Variants in PCDHA1 observed in about 807,000 individuals in gnomAD.
PCDHA1 encodes the protein protocadherin alpha-1.
In PCDHA1, 42 loss-of-function variants were observed where a neutral mutation model predicts 61.3. The observed-to-expected ratio is 0.69, with a 90% confidence interval of 0.54 to 0.89. The LOEUF is 0.89. Among genes scored for constraint, PCDHA1 ranks in the 40% least tolerant of loss-of-function variants. The pLI is 0.00. For missense variants in PCDHA1, 1,256 were observed against 1,235.3 expected (o/e 1.02, Z -0.25); for synonymous variants, 610 against 553.8 (o/e 1.10, Z -1.43).
At chr5:141,006,634 A>G (rs1324728437) in intron 3 of PCDHA1, among the ~76,000 whole-genome samples, 4 of 152,220 alleles carry the variant, frequency 2.6e-5, no homozygotes, top group Non-Finnish European at 5.9e-5. Flanking sequence ...GCTGCAATTC[A>G]TATAAGAGAT....
intron 1 of PCDHA1, among the ~76,000 whole-genome samples, chr5:140,897,980 A>C (rs1313292712): frequency 6.6e-6 from 1 of 152,206 alleles, no homozygotes. Context: ...GGCTGCATAA[A>C]TGTCTTCTTT....
chr5:140,823,188 C>T (rs1562269864), intron 1 of PCDHA1: 1 of 1,613,902 alleles, frequency 6.2e-7, no homozygotes, highest in Admixed American at 1.7e-5. Flanking sequence ...CGCCAGGCTG[C>T]CACATCTTCA....
intron 1 of PCDHA1, chr5:140,883,838 GA>G: frequency 6.2e-7 from 1 of 1,612,738 alleles, no homozygotes; most frequent in Non-Finnish European, 8.5e-7. Context: ...GCAGCCGTTG[GA>G]CCACGAGGAG....
chr5:140,870,780 C>T (rs782242319), intron 1 of PCDHA1: 3 of 1,613,508 alleles, frequency 1.9e-6, no homozygotes, highest in Non-Finnish European at 2.5e-6. Context: ...ACGAGAACGA[C>T]AACGCGCCGG....
chr5:141,010,378 A>C lies in PCDHA1; in HGVS notation c.*441A>C. ...GCTACCGCGGGTATGCGAGTGCCAG[A>C]TATTGGCTGAGACGAGCCAGCTTAG... is the stretch of plus-strand genomic sequence containing the variant. On this transcript the variant is annotated 3_prime_UTR_variant, in exon 4 of 4. Coordinates refer to ENST00000504120, the MANE Select transcript of PCDHA1 (RefSeq NM_018900.4). 6.9e-7 allele frequency: 1 copy of C among 1,450,180 alleles called. No individual in the cohort carries two copies. Among genetic ancestry groups the C allele is most frequent in the Non-Finnish European group, 9.2e-7 (1 of 1,092,666 alleles). 89.8% of individuals were successfully genotyped at this position (1,450,180 alleles called of 1,614,324 possible).
intron 1 of PCDHA1, chr5:140,841,882 T>C (rs2150324666): frequency 1.2e-6 from 2 of 1,613,800 alleles, no homozygotes; most frequent in East Asian, 4.5e-5. Context: ...CAAAGAACGA[T>C]GAGAATAAAC....
intron 1 of PCDHA1, chr5:140,862,425 A>T: frequency 2.8e-6 from 1 of 353,460 alleles, no homozygotes; most frequent in Non-Finnish European, 5.6e-6. Context: ...GCTGCCCAGA[A>T]ACTATTCGTT....
chr5:140,803,267 A>C lies in PCDHA1; in HGVS notation c.2394+14583A>C. The C allele has an allele frequency of 1.9e-6, 3 of 1,613,980 alleles. No individual in the cohort carries two copies. The South Asian group carries it at 3.3e-5, about 18-fold the overall frequency. The stretch of plus-strand genomic sequence containing the variant: ...CGTCCGCTGGCGCCACGGGCCCGGA[A>C]GCTGCACTGGTGGATGTCAACGTGT... On this transcript the variant is annotated intron_variant, in intron 1 of 3. Coordinates refer to ENST00000504120, the MANE Select transcript of PCDHA1 (RefSeq NM_018900.4).
At chr5:140,989,644 T>C (rs1284720942) in intron 3 of PCDHA1, among the ~76,000 whole-genome samples, 3 of 152,232 alleles carry the variant, frequency 2.0e-5, no homozygotes, top group Non-Finnish European at 4.4e-5. Flanking sequence ...GGGTCTTTCA[T>C]GGCAATATTT....
At chr5:140,960,306 A>G (rs1554224657) in intron 1 of PCDHA1, among the ~76,000 whole-genome samples, 1 of 152,136 alleles carries the variant, frequency 6.6e-6, no homozygotes, top group African/African-American at 2.4e-5. Context: ...ATCAATACCA[A>G]CCTCATTAGG....
chr5:141,010,293 G>A lies in PCDHA1; in HGVS notation c.*356G>A. ...ATCCTGTCTTGATGACACTTGCAGG[G>A]CAGGCTGAAAAGTTTTGAGATTGAG... On this transcript the variant is annotated 3_prime_UTR_variant, in exon 4 of 4. Transcript: ENST00000504120. The A allele has an allele frequency of 6.5e-7, 1 of 1,549,794 alleles. No individual in the cohort carries two copies. The highest frequency in any genetic ancestry group is 2.4e-5 in the East Asian group (1 of 40,902).
rs1554118074 is a variant in PCDHA1, at chr5:140,787,962, G to A, written c.1672G>A (p.Glu558Lys). The change falls in exon 1 of 4, where the codon GAG becomes AAG. Residue 558 changes from glutamate (E) to lysine (K), a missense_variant. Coordinates refer to ENST00000504120, the MANE Select transcript of PCDHA1 (RefSeq NM_018900.4). ...NVTLQVFVLD[E>K]NDNAPALLAP... Reference sequence around the variant, plus strand: ...GACGCTGCAGGTGTTCGTGCTGGACGAGAACGACAACGCGCCGGCGCTGCT... The same window carrying A: ...GACGCTGCAGGTGTTCGTGCTGGACAAGAACGACAACGCGCCGGCGCTGCT... The A allele has an allele frequency of 1.9e-6, 3 of 1,613,946 alleles. No homozygotes were observed. Among genetic ancestry groups the A allele is most frequent in the Non-Finnish European group, 2.5e-6 (3 of 1,179,902 alleles).
At chr5:140,819,834 T>C (rs1554127752) in intron 1 of PCDHA1, among the ~76,000 whole-genome samples, 1 of 152,062 alleles carries the variant, frequency 6.6e-6, no homozygotes, top group East Asian at 1.9e-4. Context: ...ATATTGTTGA[T>C]GACTTTTTCT....
At chr5:140,967,473 C>G in intron 1 of PCDHA1, 1 of 1,613,362 alleles carries the variant, frequency 6.2e-7, no homozygotes, top group Admixed American at 1.7e-5. Context: ...GGCATCCCAG[C>G]CCGCTCGGGT....
intron 1 of PCDHA1, among the ~76,000 whole-genome samples, chr5:140,840,497 T>C (rs2150307403): frequency 3.9e-5 from 6 of 152,088 alleles, no homozygotes; most frequent in African/African-American, 1.2e-4. Context: ...TTCTGGTAAA[T>C]ACTCACTTTT....
chr5:140,940,195 T>C (rs2092570084), intron 1 of PCDHA1, among the ~76,000 whole-genome samples: 1 of 152,220 alleles, frequency 6.6e-6, no homozygotes, highest in African/African-American at 2.4e-5. Flanking sequence ...TTTACATGGG[T>C]GTAAAATTCA....
rs1439259875 is a variant in PCDHA1 at position 141,011,882 on chromosome 5, GATTA to G, written c.*1950_*1953del. On this transcript the variant is annotated 3_prime_UTR_variant, in exon 4 of 4. Coordinates refer to ENST00000504120, the MANE Select transcript of PCDHA1 (RefSeq NM_018900.4). ...GTTATAATGTACAATTTAGAAGTTTGATTAATTATATTATCTATTTAGGCATTAA... is the reference window on the plus strand; with the variant it reads ...GTTATAATGTACAATTTAGAAGTTTGATTATATTATCTATTTAGGCATTAA... 2.0e-5 allele frequency: 3 copies of G among 153,360 alleles called. No homozygotes were observed. Among genetic ancestry groups the G allele is most frequent in the Non-Finnish European group, 4.4e-5 (3 of 68,010 alleles). 9.5% of individuals were successfully genotyped at this position (153,360 alleles called of 1,614,324 possible).
intron 1 of PCDHA1, chr5:140,829,046 C>T (rs2150162112): frequency 6.2e-7 from 1 of 1,612,900 alleles, no homozygotes; most frequent in Non-Finnish European, 8.5e-7. Context: ...ATACAAAATC[C>T]TCATTGACGC....
chr5:140,838,092 G>C (rs1775529438), intron 1 of PCDHA1, among the ~76,000 whole-genome samples: 1 of 140,050 alleles, frequency 7.1e-6, no homozygotes, highest in Admixed American at 7.0e-5. Context: ...GTGTGTGTGT[G>C]TGTGTGTGTG....
Sources: allele counts gnomAD v4.1 joint callset (sites outside exome capture counted in the v4.1 genomes callset), GRCh38; gene constraint gnomAD v4.1.1; transcripts MANE v1.5; gene names NCBI Gene and HGNC (gene_info 2026-07-23, HGNC 2026-07-21).